The following CDH20 variants were observed in gnomAD, a reference collection of about 807,000 sequenced individuals.
CDH20 encodes the protein cadherin-20.
A neutral mutation model predicts 74.2 loss-of-function variants in CDH20; 29 were observed. The ratio of observed to expected loss-of-function variants is 0.39; its 90% CI spans 0.29 to 0.53. The LOEUF (loss-of-function observed/expected upper bound fraction) is 0.53, where lower values mean the gene tolerates loss of function less well. Among genes scored for constraint, CDH20 ranks in the 20% least tolerant of loss-of-function variants. The probability of loss-of-function intolerance (pLI) is 0.69; values close to 1 mark genes in which losing one functional copy is unlikely to be tolerated. For synonymous variants in CDH20, 469 were observed against 405.4 expected (o/e 1.16, Z -1.88); for missense variants, 988 against 1,048.3 (o/e 0.94, Z 0.79).
chr18:61,468,815 T>A (rs1330975790), intron 1 of CDH20, among the ~76,000 whole-genome samples: 1 of 152,246 alleles, frequency 6.6e-6, no homozygotes, highest in South Asian at 2.1e-4. Context: ...AAGCCACATT[T>A]GTATGACTTT....
At chr18:61,386,502 T>G (rs1289042387) in intron 1 of CDH20, among the ~76,000 whole-genome samples, 1 of 152,220 alleles carries the variant, frequency 6.6e-6, no homozygotes, top group African/African-American at 2.4e-5. Flanking sequence ...GCCACCCATT[T>G]GTGATACTTT....
intron 1 of CDH20, among the ~76,000 whole-genome samples, chr18:61,375,879 A>G (rs555627160): frequency 6.6e-6 from 1 of 152,254 alleles, no homozygotes; most frequent in African/African-American, 2.4e-5. Context: ...GTAAAAGAAA[A>G]AAGTTAAGTA....
intron 1 of CDH20, among the ~76,000 whole-genome samples, chr18:61,471,073 G>A (rs995652390): frequency 2.6e-5 from 4 of 152,088 alleles, no homozygotes; most frequent in Admixed American, 6.6e-5. Flanking sequence ...ATGAAAAAGA[G>A]GTCATTTAAG....
chr18:61,378,647 T>C (rs1189332187), intron 1 of CDH20, among the ~76,000 whole-genome samples: 1 of 152,232 alleles, frequency 6.6e-6, no homozygotes, highest in African/African-American at 2.4e-5. Context: ...ATGTTTGGCA[T>C]GCCACAGCCC....
In CDH20 at chr18:61,490,525, C is replaced by T; in HGVS notation, c.-29C>T. ...TCAAGTTCCAGTTGCTTATCATTCTCCTTCATTTTCTGAAAACCTGGCAAT... is the reference window on the plus strand; with the variant it reads ...TCAAGTTCCAGTTGCTTATCATTCTTCTTCATTTTCTGAAAACCTGGCAAT... On this transcript the variant is annotated 5_prime_UTR_variant, in exon 2 of 12. Coordinates refer to ENST00000262717, the MANE Select transcript of CDH20 (RefSeq NM_031891.4). 1.9e-6 allele frequency: 3 copies of T among 1,606,776 alleles called. No individual in the cohort carries two copies. The highest frequency in any genetic ancestry group is 2.6e-6 in the Non-Finnish European group (3 of 1,174,090).
intron 6 of CDH20, among the ~76,000 whole-genome samples, chr18:61,519,511 CA>C (rs1912116342): frequency 2.0e-5 from 3 of 151,272 alleles, no homozygotes; most frequent in Non-Finnish European, 4.4e-5. Flanking sequence ...ATTTCATATC[CA>C]GCCAAACTAA....
intron 1 of CDH20, among the ~76,000 whole-genome samples, chr18:61,360,744 C>T (rs543265673): frequency 6.6e-6 from 1 of 152,228 alleles, no homozygotes; most frequent in African/African-American, 2.4e-5. Context: ...AAGTGAATAC[C>T]AAAGCCCAGC....
At chr18:61,431,102 T>G (rs964310573) in intron 1 of CDH20, among the ~76,000 whole-genome samples, 1 of 152,198 alleles carries the variant, frequency 6.6e-6, no homozygotes, top group African/African-American at 2.4e-5. Context: ...GAGTTCATAC[T>G]TATATCTTGG....
chr18:61,345,775 G>A (rs1423442631), intron 1 of CDH20, among the ~76,000 whole-genome samples: 1 of 152,150 alleles, frequency 6.6e-6, no homozygotes, highest in Non-Finnish European at 1.5e-5. Context: ...GAAGTATGCA[G>A]GATAGAGTGC....
At position 61,484,780 on chromosome 18, in the gene CDH20, CACACACAT is replaced by C. The variant is rs1910701411; in HGVS notation, c.-152-5621_-152-5614del. On this transcript the variant is annotated intron_variant, in intron 1 of 11. Coordinates refer to ENST00000262717, the MANE Select transcript of CDH20 (RefSeq NM_031891.4). ...ACACACACACACACACACACACACACACACACATCCCTACCATTATACAAAACTAGATA... is the reference window on the plus strand; with the variant it reads ...ACACACACACACACACACACACACACCCCTACCATTATACAAAACTAGATA... 3.3e-5 allele frequency among the ~76,000 whole-genome samples: 3 copies of C among 90,098 alleles called. No homozygotes were observed. In the South Asian group the frequency reaches 1.1e-3, roughly 32 times the overall value. 59.1% of individuals were successfully genotyped at this position (90,098 alleles called of 152,430 possible).
chr18:61,478,112 T>C lies in CDH20; in HGVS notation c.-152-12290T>C, dbSNP rs184347437. Among the ~76,000 whole-genome samples the C allele has an allele frequency of 1.3e-4, 19 of 151,372 alleles. No individual in the cohort carries two copies. The East Asian group carries it at 3.7e-3, about 30-fold the overall frequency. On this transcript the variant is annotated intron_variant, in intron 1 of 11. Transcript: ENST00000262717. ...TACTTGGGAGGCTGAGAAAGAAGAATCACTTGAACCCAAAAGGTGGAGGTT... is the reference window on the plus strand; with the variant it reads ...TACTTGGGAGGCTGAGAAAGAAGAACCACTTGAACCCAAAAGGTGGAGGTT...
At chr18:61,521,183 C>A (rs1478817515) in intron 6 of CDH20, among the ~76,000 whole-genome samples, 1 of 150,698 alleles carries the variant, frequency 6.6e-6, no homozygotes, top group Admixed American at 6.6e-5. Context: ...GCTAGCCACA[C>A]TAATAAAAAA....
rs200312633 is a variant in CDH20 at position 61,554,248 on chromosome 18, C to A, written c.1959C>A (p.Asp653Glu). Residue 653 changes from aspartate to glutamate, a missense_variant, in exon 12 of 12, where the codon GAC becomes GAA. Asp to Glu is a conservative substitution (Grantham distance 45). Coordinates refer to ENST00000262717, the MANE Select transcript of CDH20 (RefSeq NM_031891.4). The part of the protein sequence containing the change: ...RRHRKQPYII[D>E]DEENIHENIV... The stretch of plus-strand genomic sequence containing the variant: ...ACCGGAAACAACCATACATCATCGA[C>A]GACGAGGAAAACATCCACGAGAACA... The A allele has an allele frequency of 1.9e-6, 3 of 1,614,004 alleles. No homozygotes were observed. In the East Asian group the frequency reaches 6.7e-5, roughly 36 times the overall value.
intron 1 of CDH20, among the ~76,000 whole-genome samples, chr18:61,481,185 A>T (rs1447551327): frequency 6.6e-6 from 1 of 152,222 alleles, no homozygotes; most frequent in African/African-American, 2.4e-5. Context: ...TGGAGAAAAA[A>T]CAGACAAGTA....
intron 7 of CDH20, among the ~76,000 whole-genome samples, chr18:61,528,448 C>CACACATACAT (rs71178979): frequency 4.2e-5 from 6 of 142,980 alleles, no homozygotes; most frequent in African/African-American, 1.3e-4. Flanking sequence ...TTGGTTGAGA[C>CACACATACAT]ACACACACAC....
chr18:61,432,413 C>T (rs115837650), intron 1 of CDH20, among the ~76,000 whole-genome samples: 43 of 152,200 alleles, frequency 2.8e-4, no homozygotes, highest in African/African-American at 9.6e-4. Flanking sequence ...CAGACCTTGG[C>T]AGTTAAACAG....
chr18:61,390,018 C>T (rs989538612), intron 1 of CDH20, among the ~76,000 whole-genome samples: 2 of 152,266 alleles, frequency 1.3e-5, no homozygotes, highest in South Asian at 4.1e-4. Flanking sequence ...CACTCAATTT[C>T]CTTTCTTCCT....
intron 1 of CDH20, among the ~76,000 whole-genome samples, chr18:61,372,565 TTAACTAG>T (rs1441016555): frequency 6.6e-6 from 1 of 152,106 alleles, no homozygotes; most frequent in Non-Finnish European, 1.5e-5. Context: ...CACTGGTGGT[TTAACTAG>T]AACCCACAAG....
chr18:61,372,192 T>C (rs1013616697), intron 1 of CDH20, among the ~76,000 whole-genome samples: 4 of 152,108 alleles, frequency 2.6e-5, no homozygotes, highest in African/African-American at 9.7e-5. Context: ...TATTAATTTA[T>C]ATTTGTCTTT....
Sources: gnomAD v4.1 joint callset for allele counts (sites outside exome capture counted in the v4.1 genomes callset) on GRCh38, gnomAD v4.1.1 for gene constraint, MANE v1.5 for transcripts, NCBI Gene and HGNC (gene_info 2026-07-23, HGNC 2026-07-21) for gene names.